RPTOR: variants seen among roughly 807,000 people sequenced by gnomAD.
RPTOR encodes the protein regulatory associated protein of MTOR complex 1.
RPTOR carries 21 observed loss-of-function variants against 169.9 expected under a neutral mutation model. The observed-to-expected ratio is 0.12, with a 90% CI of 0.09 to 0.18. The LOEUF is 0.18. RPTOR is among the 10% of genes least tolerant of loss of function. RPTOR has a pLI of 1.00. For synonymous variants in RPTOR, 732 were observed against 753.2 expected, an observed-to-expected ratio of 0.97 and a Z score of 0.46; for missense variants, 1,133 against 1,855.9, an observed-to-expected ratio of 0.61 and a Z score of 7.16.
Position 80,880,460 on chromosome 17 carries a change from C to G in RPTOR, c.1555C>G (p.Leu519Val). ...GAAGGACAACGGCCACAAGTACTTC[C>G]TGTCGGTCCTGGCGGACCCCTACAT... ...LVKDNGHKYF[L>V]SVLADPYMPA... Residue 519 changes from leucine to valine, a missense_variant, in exon 14 of 34, where the codon CTG (leucine) becomes GTG (valine). Around this residue, in one of 9 missense-constraint regions of RPTOR, gnomAD observed 289 missense variants for 585.8 expected, o/e 0.49. Transcript: ENST00000306801. 6.2e-7 allele frequency: 1 copy of G among 1,613,734 alleles called. No individual in the cohort carries two copies.
intron 2 of RPTOR, among the ~76,000 whole-genome samples, chr17:80,636,493 T>A (rs1369740147): frequency 1.3e-5 from 2 of 152,098 alleles, no homozygotes; most frequent in Non-Finnish European, 2.9e-5. Flanking sequence ...CCTGTCCATC[T>A]TCCAAGATGG....
intron 12 of RPTOR, 85 bp from the exon 13 acceptor site, chr17:80,857,704 AC>A (rs2067869389): frequency 1.2e-6 from 1 of 818,824 alleles, no homozygotes; most frequent in Admixed American, 1.9e-5. Context: ...TGAAGATAGC[AC>A]CGCAGCTGGT....
chr17:80,708,725 G>A lies in RPTOR; in HGVS notation c.507+726G>A, dbSNP rs1265800353. Among the ~76,000 whole-genome samples, 1 of 152,136 alleles carries A rather than the reference G, an allele frequency of 6.6e-6. No homozygotes were observed. Among genetic ancestry groups the A allele is most frequent in the Non-Finnish European group, 1.5e-5 (1 of 68,016 alleles). ...CCCCATCCTCCAGGGTGGGAACCTT[G>A]GTCTGTCTCAGAGCAGCCAGCTATG... On this transcript the variant is annotated intron_variant, in intron 4 of 33. Coordinates refer to ENST00000306801, the MANE Select transcript of RPTOR (RefSeq NM_020761.3). This position sits in a 1 kb window ranked among gnomAD's most constrained non-coding sequence, Gnocchi z 4.2.
rs10048177 is a variant in RPTOR at position 80,656,896 on chromosome 17, G to A, written c.348+13086G>A. On this transcript the variant is annotated intron_variant, in intron 3 of 33. Coordinates refer to ENST00000306801, the MANE Select transcript of RPTOR (RefSeq NM_020761.3). ...CTTGTATTGAGTGGCAGGGAGCCGC[G>A]GGGACACTGCCCATAGCGGTGGGAG... Among the ~76,000 whole-genome samples the A allele has an allele frequency of 7.1e-3, 1,075 of 152,316 alleles. 16 individuals carry two copies. The highest frequency in any genetic ancestry group is 0.024 in the African/African-American group (1,007 of 41,572).
chr17:80,625,611 G>T (rs1168945948), intron 1 of RPTOR, 80 bp from the exon 2 acceptor site: 11 of 1,118,712 alleles, frequency 9.8e-6, no homozygotes, highest in African/African-American at 1.5e-5. Context: ...ATGTTCTGGG[G>T]GACATTTTAA....
chr17:80,776,965 G>A (rs1464097866), intron 6 of RPTOR, among the ~76,000 whole-genome samples: 6 of 152,090 alleles, frequency 3.9e-5, no homozygotes, highest in Admixed American at 2.0e-4. Context: ...GAGGCCGGGC[G>A]TGGTGGCTCA....
At chr17:80,686,929 A>G (rs2065952301) in intron 3 of RPTOR, among the ~76,000 whole-genome samples, 1 of 152,220 alleles carries the variant, frequency 6.6e-6, no homozygotes. Flanking sequence ...TTAAAATCAC[A>G]CAGCTTATTG....
rs1009860644 is a variant in RPTOR at position 80,651,238 on chromosome 17, T to C, written c.348+7428T>C. Among the ~76,000 whole-genome samples the C allele has an allele frequency of 1.3e-5, 2 of 152,070 alleles. No homozygotes were observed. The highest frequency in any genetic ancestry group is 2.9e-5 in the Non-Finnish European group (2 of 68,020). ...GTGGAAGGTGTGATGTGTTAAAGAA[T>C]GGAAAGCTAAATTTGGAGGTGACGA... On this transcript the variant is annotated intron_variant, in intron 3 of 33. Transcript: ENST00000306801. This position sits in a 1 kb window ranked among gnomAD's most constrained non-coding sequence, Gnocchi z 4.1.
chr17:80,791,147 CTG>C (rs1362473740), intron 6 of RPTOR, among the ~76,000 whole-genome samples: 1 of 152,216 alleles, frequency 6.6e-6, no homozygotes, highest in Non-Finnish European at 1.5e-5. Flanking sequence ...CGTTTGGAGA[CTG>C]AGCTTTATTA....
intron 17 of RPTOR, among the ~76,000 whole-genome samples, chr17:80,885,732 G>T (rs2068238360): frequency 6.6e-6 from 1 of 152,102 alleles, no homozygotes. Flanking sequence ...TAGTAGAGAT[G>T]GGGTTTCACT....
At chr17:80,887,051 G>A (rs1200326562) in intron 17 of RPTOR, among the ~76,000 whole-genome samples, 5 of 152,112 alleles carry the variant, frequency 3.3e-5, no homozygotes, top group Non-Finnish European at 1.5e-5. Flanking sequence ...GGTTATGGAG[G>A]GTGAGCAGGA....
At chr17:80,681,243 G>A (rs752561043) in intron 3 of RPTOR, among the ~76,000 whole-genome samples, 15 of 152,096 alleles carry the variant, frequency 9.9e-5, no homozygotes, top group Non-Finnish European at 7.3e-5. Flanking sequence ...TATTCAGATC[G>A]ATAACTCCTA....
chr17:80,917,710 C>T (rs776398055), intron 21 of RPTOR, among the ~76,000 whole-genome samples: 3 of 152,188 alleles, frequency 2.0e-5, no homozygotes, highest in Non-Finnish European at 4.4e-5. Flanking sequence ...CGTCAAATGG[C>T]ATTTCCTTAA....
intron 22 of RPTOR, 65 bp from the exon 23 acceptor site, chr17:80,923,425 C>A: frequency 6.3e-7 from 1 of 1,589,012 alleles, no homozygotes; most frequent in Non-Finnish European, 8.6e-7. Context: ...GAAGTTGTTC[C>A]ATGTTCCCTC....
chr17:80,875,678 C>A (rs1181484698), intron 13 of RPTOR, among the ~76,000 whole-genome samples: 1 of 152,186 alleles, frequency 6.6e-6, no homozygotes, highest in Non-Finnish European at 1.5e-5. Context: ...TTCCACCAAG[C>A]CCCTCCGCCC....
At chr17:80,776,735 C>T (rs1434138850) in intron 6 of RPTOR, among the ~76,000 whole-genome samples, 1 of 152,220 alleles carries the variant, frequency 6.6e-6, no homozygotes, top group Non-Finnish European at 1.5e-5. Context: ...ATGTTCCTTA[C>T]TTTGCATATT....
chr17:80,777,542 T>C (rs2066903295), intron 6 of RPTOR, among the ~76,000 whole-genome samples: 1 of 139,060 alleles, frequency 7.2e-6, no homozygotes, highest in Non-Finnish European at 1.6e-5. Context: ...TTATTGGCCT[T>C]TGTTGTTTTT....
Position 80,925,269 on chromosome 17 carries a change from G to A in RPTOR, c.2809-101G>A, listed in dbSNP as rs150746268. The A allele has an allele frequency of 5.6e-4, 543 of 962,632 alleles. 1 individual carries two copies. The highest frequency in any genetic ancestry group is 5.0e-3 in the African/African-American group (308 of 62,182). 59.6% of individuals were successfully genotyped at this position (962,632 alleles called of 1,614,324 possible). On this transcript the variant is annotated intron_variant, in intron 23 of 33. Transcript: ENST00000306801. ...TCCTTAGGGGCAGCCCGGTGCTCCC[G>A]GCAGCGCCTTTGTCCCCAGCTGCAG...
At chr17:80,857,279 G>A (rs1251915317) in intron 12 of RPTOR, among the ~76,000 whole-genome samples, 2 of 152,252 alleles carry the variant, frequency 1.3e-5, no homozygotes, top group Non-Finnish European at 2.9e-5. Context: ...CCCAGGGCAG[G>A]CATCTTTCTC....
Sources: gnomAD v4.1 joint callset for allele counts (sites outside exome capture counted in the v4.1 genomes callset) on GRCh38, gnomAD v4.1.1 for gene constraint, gnomAD v4.1.1 regional missense constraint, Gnocchi (gnomAD v3.1) non-coding constraint, MANE v1.5 for transcripts, NCBI Gene and HGNC (gene_info 2026-07-23, HGNC 2026-07-21) for gene names.